MCPH1: variants seen among roughly 807,000 people sequenced by gnomAD.
MCPH1 encodes microcephalin 1.
Under a neutral mutation model 84.5 loss-of-function variants are expected in MCPH1, and 104 were observed. The observed-to-expected ratio is 1.23, with a 90% CI of 1.05 to 1.45. MCPH1 has a LOEUF of 1.45. Among genes scored for constraint, MCPH1 ranks in the 40% most tolerant of loss-of-function variants. The pLI is 0.00. For synonymous variants in MCPH1, 514 were observed against 366.8 expected (o/e 1.40, Z -4.58); for missense variants, 1,498 against 1,005.7 (o/e 1.49, Z -6.62).
At chr8:6,635,086 G>C (rs1393372195) in intron 13 of MCPH1, 1 of 152,186 alleles carries the variant, frequency 6.6e-6, no homozygotes, top group Non-Finnish European at 1.5e-5. Flanking sequence ...GAAGAATTCA[G>C]CTTGTCAAGT....
At chr8:6,473,998 C>G (rs1251981350) in intron 9 of MCPH1, 9 of 927,152 alleles carry the variant, frequency 9.7e-6, no homozygotes, top group East Asian at 2.4e-5. Context: ...AAATCTCACA[C>G]TGAATATTGT....
Position 6,644,467 on chromosome 8 carries a change from C to A in MCPH1, c.*1418C>A, listed in dbSNP as rs926390078. ...ACCCTAAAGACTCTGCCAAAAGGCT[C>A]CTGGAACCGATAAATGACTTAAGTA... On this transcript the variant is annotated 3_prime_UTR_variant, in exon 14 of 14. Transcript: ENST00000344683. 6.6e-6 allele frequency: 1 copy of A among 152,182 alleles called. No homozygotes were observed. The highest frequency in any genetic ancestry group is 1.5e-5 in the Non-Finnish European group (1 of 68,030). The allele number at this position is 152,182 out of a possible 1,614,324, so 9.4% of individuals were successfully genotyped here.
chr8:6,415,543 G>A (rs12114547), intron 3 of MCPH1, among the ~76,000 whole-genome samples: 5,546 of 151,918 alleles, frequency 0.037, 298 homozygotes, highest in African/African-American at 0.12. Context: ...TGGTAGAGAC[G>A]GGGTTTTATC....
At chr8:6,621,227 T>A (rs1831379678) in intron 12 of MCPH1, 1 of 594,276 alleles carries the variant, frequency 1.7e-6, no homozygotes. Flanking sequence ...TTTTTCTAAT[T>A]TGTTTCCTTG....
In MCPH1 at chr8:6,514,710, A is replaced by G. The variant is rs1476656091; in HGVS notation, c.2214+14781A>G. On this transcript the variant is annotated intron_variant, in intron 12 of 13. Coordinates refer to ENST00000344683, the MANE Select transcript of MCPH1 (RefSeq NM_024596.5). ...ATTCTTTCCAAGTCCTCTGAAAATC[A>G]ACGCTGCCATCCTCACGTCGCTGAA... 6 of 1,614,110 alleles carry G rather than the reference A, an allele frequency of 3.7e-6. 1 individual carries two copies. In the South Asian group the frequency reaches 5.5e-5, roughly 15 times the overall value.
At chr8:6,614,382 C>T (rs1414762496) in intron 12 of MCPH1, among the ~76,000 whole-genome samples, 2 of 152,188 alleles carry the variant, frequency 1.3e-5, no homozygotes, top group African/African-American at 2.4e-5. Flanking sequence ...CTGGCGCCTC[C>T]TCCCCTCACC....
chr8:6,470,220 G>A (rs756132097), intron 9 of MCPH1, among the ~76,000 whole-genome samples: 41 of 152,128 alleles, frequency 2.7e-4, no homozygotes, highest in Admixed American at 1.7e-3. Flanking sequence ...TCCTGGAGCT[G>A]TCCATATAAT....
intron 11 of MCPH1, among the ~76,000 whole-genome samples, chr8:6,495,720 G>A (rs984233774): frequency 1.3e-5 from 2 of 152,182 alleles, no homozygotes; most frequent in Non-Finnish European, 2.9e-5. Flanking sequence ...GTGAAGGGTG[G>A]ATGGAGGAGA....
chr8:6,522,877 A>T (rs1255234769), intron 12 of MCPH1, among the ~76,000 whole-genome samples: 3 of 152,014 alleles, frequency 2.0e-5, no homozygotes, highest in African/African-American at 7.2e-5. Flanking sequence ...GAACTTTCTG[A>T]CTCTGAAATC....
chr8:6,503,668 C>T (rs1198649116), intron 12 of MCPH1, among the ~76,000 whole-genome samples: 1 of 152,158 alleles, frequency 6.6e-6, no homozygotes, highest in East Asian at 1.9e-4. Flanking sequence ...CGCTCAGGCT[C>T]CCCTTGCTCT....
At chr8:6,513,825 C>T (rs772841494) in intron 12 of MCPH1, 32 of 1,607,220 alleles carry the variant, frequency 2.0e-5, no homozygotes, top group Non-Finnish European at 2.5e-5. Flanking sequence ...CCAATATTCT[C>T]CTGAAGGGTT....
chr8:6,502,883 C>G (rs373673677), intron 12 of MCPH1: 1 of 547,038 alleles, frequency 1.8e-6, no homozygotes, highest in East Asian at 3.1e-5. Context: ...TGTCTAATCA[C>G]AATTATGGAT....
Position 6,444,803 on chromosome 8 carries a change from C to T in MCPH1, c.1081C>T (p.His361Tyr). The change falls in exon 8 of 14, where the codon CAT (histidine) becomes TAT (tyrosine). Residue 361 changes from histidine (H) to tyrosine (Y), a missense_variant. Coordinates refer to ENST00000344683, the MANE Select transcript of MCPH1 (RefSeq NM_024596.5). ...SSSVKRKRVS[H>Y]GSHSPPKEKC... ...CTCAGTAAAGAGAAAAAGAGTATCA[C>T]ATGGCTCCCATTCACCTCCGAAGGA... The T allele has an allele frequency of 6.2e-7, 1 of 1,614,084 alleles. No homozygotes were observed.
intron 13 of MCPH1, chr8:6,642,543 A>T (rs1798002313): frequency 4.4e-6 from 1 of 228,220 alleles, no homozygotes; most frequent in Non-Finnish European, 8.9e-6. Context: ...TGCTGGGTAG[A>T]TAGGATAGCA....
chr8:6,517,918 G>A (rs1266205611), intron 12 of MCPH1, among the ~76,000 whole-genome samples: 1 of 152,178 alleles, frequency 6.6e-6, no homozygotes, highest in Non-Finnish European at 1.5e-5. Flanking sequence ...GAAAATTGAG[G>A]TTTGTGAAAG....
intron 12 of MCPH1, among the ~76,000 whole-genome samples, chr8:6,529,085 A>G (rs1247596442): frequency 6.6e-6 from 1 of 152,228 alleles, no homozygotes; most frequent in Non-Finnish European, 1.5e-5. Flanking sequence ...GTGTGGAGGC[A>G]GGGAAGGATG....
At chr8:6,522,075 G>T (rs992005191) in intron 12 of MCPH1, among the ~76,000 whole-genome samples, 5 of 152,198 alleles carry the variant, frequency 3.3e-5, no homozygotes, top group South Asian at 2.1e-4. Flanking sequence ...GTAAATGCTG[G>T]CCGGGCGCAG....
intron 13 of MCPH1, chr8:6,626,555 A>C: frequency 3.0e-6 from 3 of 984,874 alleles, no homozygotes; most frequent in South Asian, 4.7e-5. Flanking sequence ...GAAAACAAAA[A>C]TCAAATTCCC....
At chr8:6,623,862 C>T (rs753695763) in intron 13 of MCPH1, among the ~76,000 whole-genome samples, 9 of 152,160 alleles carry the variant, frequency 5.9e-5, no homozygotes, top group Non-Finnish European at 8.8e-5. Flanking sequence ...CAAAATGCCA[C>T]GGACTGCAGA....
Sources: gnomAD v4.1 joint callset for allele counts (sites outside exome capture counted in the v4.1 genomes callset) on GRCh38, gnomAD v4.1.1 for gene constraint, MANE v1.5 for transcripts, NCBI Gene and HGNC (gene_info 2026-07-23, HGNC 2026-07-21) for gene names.